FAM227B: variants seen among roughly 807,000 people sequenced by gnomAD.
FAM227B encodes the protein protein FAM227B.
A neutral mutation model predicts 73.8 loss-of-function variants in FAM227B; 88 were observed. The ratio of observed to expected loss-of-function variants is 1.19; its 90% confidence interval spans 1.00 to 1.42. The LOEUF (loss-of-function observed/expected upper bound fraction) is 1.42, where lower values mean the gene tolerates loss of function less well. FAM227B is among the 40% of genes most tolerant of loss of function. FAM227B has a pLI of 0.00. For synonymous variants in FAM227B, 210 were observed against 190.5 expected (o/e 1.10, Z -0.84); for missense variants, 632 against 590.9 (o/e 1.07, Z -0.72).
intron 13 of FAM227B, among the ~76,000 whole-genome samples, chr15:49,352,736 A>G (rs947325884): frequency 2.0e-5 from 3 of 152,186 alleles, no homozygotes; most frequent in African/African-American, 7.2e-5. Flanking sequence ...GCGCACTTCA[A>G]GACCCTTGGT....
intron 10 of FAM227B, among the ~76,000 whole-genome samples, chr15:49,515,951 T>C (rs1484138350): frequency 2.0e-5 from 3 of 152,104 alleles, no homozygotes; most frequent in Admixed American, 1.3e-4. Flanking sequence ...TCCTGTGTCT[T>C]GGAATGGGGT....
intron 9 of FAM227B, among the ~76,000 whole-genome samples, chr15:49,557,524 C>G (rs992185854): frequency 1.3e-5 from 2 of 152,112 alleles, no homozygotes; most frequent in African/African-American, 4.8e-5. Context: ...GGAGATGAAA[C>G]AAAGTGGTGA....
At chr15:49,484,191 G>C (rs2056201482) in intron 11 of FAM227B, 1 of 632,378 alleles carries the variant, frequency 1.6e-6, no homozygotes, top group Non-Finnish European at 2.7e-6. Context: ...CTCAATCTGA[G>C]GGTTAAAAAA....
At chr15:49,452,937 C>T (rs966855973) in intron 11 of FAM227B, among the ~76,000 whole-genome samples, 1 of 152,086 alleles carries the variant, frequency 6.6e-6, no homozygotes, top group African/African-American at 2.4e-5. Context: ...GAATTTATCA[C>T]TTTAAATTTT....
chr15:49,569,181 CTT>C (rs368686618), intron 8 of FAM227B, among the ~76,000 whole-genome samples: 40 of 151,966 alleles, frequency 2.6e-4, no homozygotes, highest in African/African-American at 8.7e-4. Context: ...TTACAACACT[CTT>C]ATAATCCTTT....
At chr15:49,372,609 G>C (rs989480718) in intron 11 of FAM227B, among the ~76,000 whole-genome samples, 1 of 152,188 alleles carries the variant, frequency 6.6e-6, no homozygotes, top group Admixed American at 6.5e-5. Flanking sequence ...TGAGGGTACA[G>C]AGGGATTCGT....
chr15:49,420,464 A>G (rs1019362880), intron 11 of FAM227B, among the ~76,000 whole-genome samples: 1 of 152,204 alleles, frequency 6.6e-6, no homozygotes, highest in Non-Finnish European at 1.5e-5. Flanking sequence ...TAAAAGTAAA[A>G]AATAATATGT....
chr15:49,401,384 C>G (rs891706661), intron 11 of FAM227B, among the ~76,000 whole-genome samples: 25 of 151,900 alleles, frequency 1.6e-4, no homozygotes, highest in Admixed American at 1.3e-4. Flanking sequence ...GAAATAGGAA[C>G]ACTTTTACAC....
chr15:49,470,675 T>C (rs900217946), intron 11 of FAM227B, among the ~76,000 whole-genome samples: 1 of 152,222 alleles, frequency 6.6e-6, no homozygotes, highest in African/African-American at 2.4e-5. Flanking sequence ...AAAATGGGCA[T>C]AGCAAGAGGA....
chr15:49,533,086 T>G (rs986355636), intron 10 of FAM227B, among the ~76,000 whole-genome samples: 1 of 151,994 alleles, frequency 6.6e-6, no homozygotes, highest in Non-Finnish European at 1.5e-5. Flanking sequence ...AGTTTTGATA[T>G]GTTGCTTCCA....
rs149070268 is a variant in FAM227B, at chr15:49,456,367, T to A, written c.1012+51844A>T. On this transcript the variant is annotated intron_variant, in intron 11 of 15. Coordinates refer to ENST00000299338, the MANE Select transcript of FAM227B (RefSeq NM_152647.3). ...AAAGGGAAAGCAGCTGGACAGTGTC[T>A]TATATGACAAGTCATTTCTGCCAAT... Among the ~76,000 whole-genome samples the A allele has an allele frequency of 8.5e-5, 13 of 152,242 alleles. No homozygotes were observed. In the East Asian group the frequency reaches 2.5e-3, roughly 29 times the overall value.
At chr15:49,601,004 T>G (rs1302171152) in intron 3 of FAM227B, among the ~76,000 whole-genome samples, 1 of 146,676 alleles carries the variant, frequency 6.8e-6, no homozygotes, top group Non-Finnish European at 1.5e-5. Context: ...ATCGCGCCAT[T>G]GCACTCCAGC....
intron 10 of FAM227B, among the ~76,000 whole-genome samples, chr15:49,512,438 A>C (rs1339105459): frequency 2.6e-5 from 4 of 151,956 alleles, no homozygotes; most frequent in Admixed American, 1.3e-4. Context: ...AGAGTTGTAC[A>C]TTTCTTTCTG....
intron 9 of FAM227B, among the ~76,000 whole-genome samples, chr15:49,557,045 T>C (rs914393224): frequency 1.3e-5 from 2 of 152,076 alleles, no homozygotes; most frequent in Admixed American, 1.3e-4. Flanking sequence ...GGTAGCCCCA[T>C]GCAGAGTTCC....
chr15:49,522,963 C>T (rs2081688733), intron 10 of FAM227B, among the ~76,000 whole-genome samples: 1 of 152,158 alleles, frequency 6.6e-6, no homozygotes, highest in Non-Finnish European at 1.5e-5. Flanking sequence ...ACAAAACAAG[C>T]TTCACTAAAG....
At chr15:49,528,895 T>C (rs1212314486) in intron 10 of FAM227B, among the ~76,000 whole-genome samples, 1 of 151,502 alleles carries the variant, frequency 6.6e-6, no homozygotes, top group Non-Finnish European at 1.5e-5. Flanking sequence ...ATACAGTAAC[T>C]CCTATGGGAA....
At chr15:49,548,251 C>A (rs12592876) in intron 9 of FAM227B, among the ~76,000 whole-genome samples, 2 of 152,140 alleles carry the variant, frequency 1.3e-5, no homozygotes, top group East Asian at 3.9e-4. Context: ...TTATCAAATG[C>A]TTTTTTTCAG....
chr15:49,468,349 A>G (rs2413958), intron 11 of FAM227B, among the ~76,000 whole-genome samples: 104,738 of 151,964 alleles, frequency 0.69, 36,429 homozygotes, highest in East Asian at 0.92. Context: ...ATTTCATGCT[A>G]ATTTGAGGGG....
intron 9 of FAM227B, among the ~76,000 whole-genome samples, chr15:49,556,954 G>A (rs892361548): frequency 1.3e-5 from 2 of 152,124 alleles, no homozygotes; most frequent in African/African-American, 4.8e-5. Context: ...AGAGGTCCCT[G>A]GTGAGAGTGG....
Sources: gnomAD v4.1 joint callset for allele counts (sites outside exome capture counted in the v4.1 genomes callset) on GRCh38, gnomAD v4.1.1 for gene constraint, MANE v1.5 for transcripts, NCBI Gene and HGNC (gene_info 2026-07-23, HGNC 2026-07-21) for gene names.